Variants in GPC6 observed in about 807,000 individuals in gnomAD.
The protein encoded by GPC6 is glypican-6.
Under a neutral mutation model 55.2 loss-of-function variants are expected in GPC6, and 14 were observed. The ratio of observed to expected loss-of-function variants is 0.25; its 90% CI spans 0.17 to 0.40. The LOEUF is 0.40. GPC6 is among the 10% of genes least tolerant of loss of function. The pLI, the probability that GPC6 is intolerant of heterozygous loss-of-function variation, is 1.00. For missense variants in GPC6, 641 were observed against 708.5 expected, an observed-to-expected ratio of 0.90 and a Z score of 1.08; for synonymous variants, 278 against 259.6, an observed-to-expected ratio of 1.07 and a Z score of -0.68.
At chr13:94,123,570 TATC>T (rs1344125968) in intron 4 of GPC6, among the ~76,000 whole-genome samples, 1 of 152,104 alleles carries the variant, frequency 6.6e-6, no homozygotes, top group Non-Finnish European at 1.5e-5. Context: ...ATGGTATAAA[TATC>T]ATCATGAGAT....
intron 2 of GPC6, among the ~76,000 whole-genome samples, chr13:93,614,407 G>A (rs574327843): frequency 1.3e-5 from 2 of 152,008 alleles, no homozygotes; most frequent in Non-Finnish European, 2.9e-5. Context: ...TCTAGGTGCA[G>A]ACTCCTCTAC....
chr13:93,766,162 T>C (rs1885125306), intron 2 of GPC6, among the ~76,000 whole-genome samples: 1 of 152,190 alleles, frequency 6.6e-6, no homozygotes, highest in African/African-American at 2.4e-5. Flanking sequence ...AATATAAACT[T>C]TATAAAAATT....
At chr13:93,299,803 A>G (rs913264853) in intron 1 of GPC6, among the ~76,000 whole-genome samples, 2 of 152,234 alleles carry the variant, frequency 1.3e-5, no homozygotes, top group Admixed American at 6.5e-5. Flanking sequence ...AATTACTAGT[A>G]TCAACTAGAG....
At chr13:93,735,520 CAAA>C (rs35851863) in intron 2 of GPC6, among the ~76,000 whole-genome samples, 4 of 123,454 alleles carry the variant, frequency 3.2e-5, no homozygotes, top group African/African-American at 6.3e-5. Context: ...GACTCCATCT[CAAA>C]AAAAAAAAAA....
chr13:94,290,914 G>A (rs973705428), intron 5 of GPC6, among the ~76,000 whole-genome samples: 8 of 152,102 alleles, frequency 5.3e-5, no homozygotes, highest in Admixed American at 2.6e-4. Flanking sequence ...TAGGGAGACC[G>A]GGCATGGTGG....
chr13:93,524,936 A>G (rs147998327), intron 1 of GPC6, among the ~76,000 whole-genome samples: 2,015 of 152,200 alleles, frequency 0.013, 42 homozygotes, highest in African/African-American at 0.04. Flanking sequence ...GATCTTCTTC[A>G]GAAGGAATCA....
At chr13:94,054,267 T>TAGGGC (rs1884054392) in intron 4 of GPC6, among the ~76,000 whole-genome samples, 1 of 152,186 alleles carries the variant, frequency 6.6e-6, no homozygotes, top group Non-Finnish European at 1.5e-5. Flanking sequence ...TGGTTGTGGT[T>TAGGGC]AGGGCCAGTG....
chr13:94,271,396 A>ACG (rs1436731264), intron 4 of GPC6, among the ~76,000 whole-genome samples: 5 of 129,574 alleles, frequency 3.9e-5, no homozygotes, highest in Admixed American at 1.4e-4. Context: ...ACACACACAC[A>ACG]CACACACACA....
At chr13:94,191,829 G>T (rs1487370063) in intron 4 of GPC6, among the ~76,000 whole-genome samples, 4 of 152,132 alleles carry the variant, frequency 2.6e-5, no homozygotes, top group African/African-American at 4.8e-5. Flanking sequence ...AACAAATAGA[G>T]TGGCTATGGA....
chr13:93,255,606 G>A (rs1876925982), intron 1 of GPC6, among the ~76,000 whole-genome samples: 1 of 152,042 alleles, frequency 6.6e-6, no homozygotes, highest in African/African-American at 2.4e-5. Flanking sequence ...AATACTGAAG[G>A]TGCTGTTTCT....
chr13:93,929,058 G>T (rs1352332321), intron 3 of GPC6, among the ~76,000 whole-genome samples: 2 of 152,124 alleles, frequency 1.3e-5, no homozygotes, highest in Non-Finnish European at 2.9e-5. Flanking sequence ...GAGTGTGCTT[G>T]TCATTGACAA....
intron 3 of GPC6, among the ~76,000 whole-genome samples, chr13:93,976,935 GT>G (rs1184034954): frequency 8.5e-5 from 13 of 152,122 alleles, no homozygotes; most frequent in African/African-American, 3.1e-4. Context: ...ATATAAACAA[GT>G]CGTACTTCAC....
In GPC6 at chr13:93,304,186, T is replaced by C. The variant is rs185767368; in HGVS notation, c.160+76570T>C. On this transcript the variant is annotated intron_variant, in intron 1 of 8. Transcript: ENST00000377047. ...TGGCCGTAGAGACTATTTAATATCA[T>C]TGAAAGACATTCTAAAACGTGTAGT... Among the ~76,000 whole-genome samples the C allele has an allele frequency of 2.4e-3, 364 of 152,258 alleles. 1 individual carries two copies. Among genetic ancestry groups the C allele is most frequent in the Admixed American group, 5.0e-3 (76 of 15,290 alleles).
intron 4 of GPC6, among the ~76,000 whole-genome samples, chr13:94,260,572 C>T (rs1443104208): frequency 2.0e-5 from 3 of 152,140 alleles, no homozygotes; most frequent in African/African-American, 7.2e-5. Flanking sequence ...TAGGGCCCAT[C>T]CATATGACCA....
chr13:94,054,409 G>A (rs915821335), intron 4 of GPC6, among the ~76,000 whole-genome samples: 3 of 152,102 alleles, frequency 2.0e-5, no homozygotes, highest in Non-Finnish European at 4.4e-5. Context: ...ACCACAAAGC[G>A]CTGTGCTCCG....
chr13:93,315,739 G>A (rs1002772291), intron 1 of GPC6, among the ~76,000 whole-genome samples: 5 of 139,418 alleles, frequency 3.6e-5, no homozygotes, highest in African/African-American at 8.0e-5. Flanking sequence ...GATATTATAT[G>A]AGCAAACATG....
intron 3 of GPC6, among the ~76,000 whole-genome samples, chr13:93,880,177 A>G (rs1202544501): frequency 3.3e-5 from 5 of 151,080 alleles, no homozygotes; most frequent in African/African-American, 1.2e-4. Context: ...GGGATCTAGA[A>G]CTAGAAATAC....
At chr13:93,438,385 A>G (rs1382567273) in intron 1 of GPC6, among the ~76,000 whole-genome samples, 1 of 152,176 alleles carries the variant, frequency 6.6e-6, no homozygotes. Context: ...TTTGGAAAGT[A>G]TTCACCATTC....
At chr13:93,540,931 A>G (rs925328895) in intron 1 of GPC6, among the ~76,000 whole-genome samples, 6 of 152,270 alleles carry the variant, frequency 3.9e-5, no homozygotes, top group East Asian at 3.9e-4. Flanking sequence ...ATGAATGAGA[A>G]CATGCAATGT....
Sources: gnomAD v4.1 joint callset for allele counts (sites outside exome capture counted in the v4.1 genomes callset) on GRCh38, gnomAD v4.1.1 for gene constraint, MANE v1.5 for transcripts, NCBI Gene and HGNC (gene_info 2026-07-23, HGNC 2026-07-21) for gene names.